Variants in CSMD1 observed in about 807,000 individuals in gnomAD.
CSMD1 encodes the protein CUB and Sushi multiple domains 1.
Under a neutral mutation model 417.5 loss-of-function variants are expected in CSMD1, and 213 were observed. The ratio of observed to expected loss-of-function variants is 0.51; its 90% CI spans 0.46 to 0.57. The LOEUF is 0.57. Ranked by LOEUF, CSMD1 falls within the 20% of genes least tolerant of loss-of-function variation. The pLI is 0.00. For synonymous variants in CSMD1, 2,862 were observed against 1,736.8 expected (o/e 1.65, Z -16.11); for missense variants, 6,923 against 4,529.7 (o/e 1.53, Z -15.17).
In CSMD1 at chr8:3,616,015, T is replaced by C. The variant is rs535462745; in HGVS notation, c.1097+695A>G. ...AATCCTAGTAAAATGATATGCATTT[T>C]CTGAATAAACTTTACTGACTGATAC... is the stretch of plus-strand genomic sequence containing the variant. On this transcript the variant is annotated intron_variant, in intron 8 of 69. Transcript: ENST00000635120. Among the ~76,000 whole-genome samples the C allele has an allele frequency of 2.6e-5, 4 of 152,350 alleles. No individual in the cohort carries two copies. The East Asian group carries it at 7.7e-4, about 29-fold the overall frequency.
intron 4 of CSMD1, among the ~76,000 whole-genome samples, chr8:4,016,824 T>C (rs778331733): frequency 3.3e-5 from 5 of 152,198 alleles, no homozygotes; most frequent in African/African-American, 4.8e-5. Context: ...ATCCATGAGG[T>C]TGTTGGAAGT....
At chr8:2,995,932 G>A (rs999035670) in intron 54 of CSMD1, among the ~76,000 whole-genome samples, 3 of 152,162 alleles carry the variant, frequency 2.0e-5, no homozygotes, top group Admixed American at 6.5e-5. Flanking sequence ...TTTATAAGCG[G>A]AGTAAGGCGG....
chr8:4,199,180 T>C (rs533228660), intron 3 of CSMD1, among the ~76,000 whole-genome samples: 39 of 152,048 alleles, frequency 2.6e-4, no homozygotes, highest in African/African-American at 9.4e-4. Flanking sequence ...GGGATGATCC[T>C]ACTTTCAGAA....
chr8:3,319,315 G>A (rs915063242), intron 23 of CSMD1, among the ~76,000 whole-genome samples: 1 of 152,156 alleles, frequency 6.6e-6, no homozygotes, highest in Admixed American at 6.6e-5. Context: ...TAGAACCACT[G>A]CAGAGTCTTC....
intron 5 of CSMD1, among the ~76,000 whole-genome samples, chr8:3,825,979 C>T (rs1339696882): frequency 6.6e-6 from 1 of 152,186 alleles, no homozygotes; most frequent in Non-Finnish European, 1.5e-5. Flanking sequence ...TGGCTTTCAG[C>T]AGGATCGTAT....
At chr8:3,892,726 T>A (rs1164434142) in intron 5 of CSMD1, among the ~76,000 whole-genome samples, 1 of 150,070 alleles carries the variant, frequency 6.7e-6, no homozygotes, top group Non-Finnish European at 1.5e-5. Flanking sequence ...TTTTTTTTTT[T>A]TTTTTTTTTG....
chr8:3,337,185 G>A (rs185042038), intron 23 of CSMD1, among the ~76,000 whole-genome samples: 65 of 152,194 alleles, frequency 4.3e-4, no homozygotes, highest in African/African-American at 1.5e-3. Context: ...GCAACGACTC[G>A]CCCTATCCCC....
At chr8:4,192,700 C>G (rs948907767) in intron 3 of CSMD1, among the ~76,000 whole-genome samples, 1 of 152,166 alleles carries the variant, frequency 6.6e-6, no homozygotes, top group Non-Finnish European at 1.5e-5. Flanking sequence ...GTATTGCTCA[C>G]CAACATGTCG....
At position 2,950,254 on chromosome 8, in the gene CSMD1, C is replaced by T. The variant is rs762371826; in HGVS notation, c.10291G>A (p.Asp3431Asn). The change falls in exon 67 of 70, where the codon GAC (aspartate) becomes AAC (asparagine). Residue 3431 changes from aspartate (D) to asparagine (N), a missense_variant. Coordinates refer to ENST00000635120, the MANE Select transcript of CSMD1 (RefSeq NM_033225.6). ...ADIFVSKFEN[D>N]NWGLDGYVSS... ...ACATAACCATCTAGTCCCCAGTTGTCATTTTCGAACTTGCTTACAAAAATA... is the reference window on the plus strand; with the variant it reads ...ACATAACCATCTAGTCCCCAGTTGTTATTTTCGAACTTGCTTACAAAAATA... The T allele has an allele frequency of 3.7e-6, 6 of 1,611,924 alleles. No homozygotes were observed. Among genetic ancestry groups the T allele is most frequent in the African/African-American group, 1.3e-5 (1 of 74,994 alleles).
chr8:4,324,650 T>C (rs1799451751), intron 3 of CSMD1, among the ~76,000 whole-genome samples: 1 of 152,170 alleles, frequency 6.6e-6, no homozygotes, highest in South Asian at 2.1e-4. Flanking sequence ...AAACAAACAC[T>C]GCTCCTGGAA....
chr8:4,677,977 C>G (rs1308988124), intron 1 of CSMD1, among the ~76,000 whole-genome samples: 1 of 152,160 alleles, frequency 6.6e-6, no homozygotes, highest in African/African-American at 2.4e-5. Flanking sequence ...AGCCTGCCTT[C>G]CATGGTTTGA....
chr8:3,490,068 C>T (rs780117047), intron 11 of CSMD1, among the ~76,000 whole-genome samples: 7 of 152,268 alleles, frequency 4.6e-5, no homozygotes, highest in Middle Eastern at 3.4e-3. Context: ...GTCGATGTAT[C>T]GCCTAAAATT....
At chr8:4,125,973 G>C (rs891121585) in intron 3 of CSMD1, among the ~76,000 whole-genome samples, 2 of 152,080 alleles carry the variant, frequency 1.3e-5, no homozygotes, top group Non-Finnish European at 2.9e-5. Flanking sequence ...TAAAACCTAA[G>C]ATCTAAGATC....
chr8:3,495,021 T>G (rs1374704149), intron 10 of CSMD1, among the ~76,000 whole-genome samples: 3 of 152,148 alleles, frequency 2.0e-5, no homozygotes, highest in Admixed American at 6.5e-5. Flanking sequence ...CTACTTGAAA[T>G]TCTTACTAAA....
chr8:4,135,575 G>C (rs991496712), intron 3 of CSMD1, among the ~76,000 whole-genome samples: 35 of 152,134 alleles, frequency 2.3e-4, no homozygotes, highest in African/African-American at 7.5e-4. Context: ...GAAGAAATGA[G>C]TTTTGATTCT....
chr8:4,936,708 T>C (rs930193756), intron 1 of CSMD1, among the ~76,000 whole-genome samples: 7 of 152,334 alleles, frequency 4.6e-5, no homozygotes, highest in Admixed American at 4.6e-4. Context: ...CTGTAATTCA[T>C]TAAACATCAA....
Position 4,801,505 on chromosome 8 carries a change from T to C in CSMD1, c.86-163947A>G, listed in dbSNP as rs61740728. 4.3e-3 allele frequency among the ~76,000 whole-genome samples: 653 copies of C among 152,216 alleles called. 7 individuals are homozygous for C. Among genetic ancestry groups the C allele is most frequent in the African/African-American group, 0.014 (587 of 41,520 alleles). On this transcript the variant is annotated intron_variant, in intron 1 of 69. Transcript: ENST00000635120. ...CAAATTGAGGGGCGCAAGTACTTAA[T>C]GTCATTTTGAAGGGCAGCAGTTACT...
intron 5 of CSMD1, among the ~76,000 whole-genome samples, chr8:3,786,327 G>T (rs145549235): frequency 1.3e-5 from 2 of 152,146 alleles, no homozygotes; most frequent in African/African-American, 4.8e-5. Flanking sequence ...CTGTCTGTTG[G>T]ATGGAGGGTC....
At chr8:3,154,054 C>T (rs369526578) in intron 39 of CSMD1, among the ~76,000 whole-genome samples, 34 of 152,200 alleles carry the variant, frequency 2.2e-4, no homozygotes, top group African/African-American at 8.2e-4. Flanking sequence ...GCAACCTCCG[C>T]CTCCCTGGTT....
Sources: gnomAD v4.1 joint callset for allele counts (sites outside exome capture counted in the v4.1 genomes callset) on GRCh38, gnomAD v4.1.1 for gene constraint, MANE v1.5 for transcripts, NCBI Gene and HGNC (gene_info 2026-07-23, HGNC 2026-07-21) for gene names.